Variants in PRDM5 observed in about 807,000 individuals in gnomAD.
PRDM5 encodes PR domain zinc finger protein 5.
A neutral mutation model predicts 81.2 loss-of-function variants in PRDM5; 56 were observed. That is an observed-to-expected ratio of 0.69 (90% CI 0.56 to 0.86). PRDM5 has a LOEUF of 0.86. Among genes scored for constraint, PRDM5 ranks in the 40% least tolerant of loss-of-function variants. The probability of loss-of-function intolerance (pLI) is 0.00; values close to 1 mark genes in which losing one functional copy is unlikely to be tolerated. For synonymous variants in PRDM5, 267 were observed against 256.4 expected (o/e 1.04, Z -0.39); for missense variants, 697 against 770.1 (o/e 0.91, Z 1.12).
chr4:120,914,306 A>G (rs1723839644), intron 1 of PRDM5, among the ~76,000 whole-genome samples: 1 of 152,172 alleles, frequency 6.6e-6, no homozygotes, highest in Non-Finnish European at 1.5e-5. Context: ...CTCAAGTGAA[A>G]ACTACGAACA....
intron 14 of PRDM5, among the ~76,000 whole-genome samples, chr4:120,726,088 G>A (rs897882209): frequency 1.5e-4 from 23 of 152,194 alleles, no homozygotes; most frequent in Admixed American, 1.3e-3. Flanking sequence ...GGGATGGAGG[G>A]TTGGGCTAGG....
chr4:120,716,174 C>T (rs976420990), intron 14 of PRDM5, among the ~76,000 whole-genome samples: 7 of 152,190 alleles, frequency 4.6e-5, no homozygotes, highest in African/African-American at 1.4e-4. Context: ...CATGTTTATA[C>T]ATGCTATTGC....
rs17051264 is a variant in PRDM5 at position 120,816,469 on chromosome 4, C to T, written c.849G>A (p.Gln283=). The T allele has an allele frequency of 7.6e-3, 12,188 of 1,614,150 alleles. 541 individuals are homozygous for T. The African/African-American group carries it at 0.11, about 15-fold the overall frequency. ...ACTCCTCACCAGTGTGGACATTTTC[C>T]TGGTGTCTTTTCAGGGCATCCTTGC... ...LKSKDALKRH[Q]ENVHTGDPKK... is the part of the protein sequence containing the mutation. The change falls in exon 7 of 16, where the codon CAG becomes CAA. Residue 283 remains glutamine, a synonymous_variant. Coordinates refer to ENST00000264808, the MANE Select transcript of PRDM5 (RefSeq NM_018699.4).
intron 2 of PRDM5, among the ~76,000 whole-genome samples, chr4:120,900,491 G>C (rs1352488756): frequency 6.6e-6 from 1 of 152,078 alleles, no homozygotes. Context: ...TCTTCATCTG[G>C]TTCCTATCTG....
chr4:120,844,499 G>A (rs1758424290), intron 3 of PRDM5, among the ~76,000 whole-genome samples: 1 of 152,124 alleles, frequency 6.6e-6, no homozygotes, highest in South Asian at 2.1e-4. Context: ...AGGATAACCT[G>A]TGATCAAGGG....
Position 120,853,496 on chromosome 4 carries a change from G to T in PRDM5, c.222C>A (p.Thr74=). 6.2e-7 allele frequency: 1 copy of T among 1,613,714 alleles called. No homozygotes were observed. The highest frequency in any genetic ancestry group is 1.3e-5 in the African/African-American group (1 of 74,966). ...KGEVLYILDA[T]NPRHSNWLRF... ...GAAGCCAGTTGGAGTGCCGTGGGTT[G>T]GTAGCATCCAAAATGTACAAAACTT... The change falls in exon 3 of 16, where the codon ACC becomes ACA. Residue 74 remains threonine, a synonymous_variant. Transcript: ENST00000264808.
chr4:120,821,436 T>C (rs756731636), intron 3 of PRDM5, 91 bp from the exon 4 acceptor site: 14 of 1,247,054 alleles, frequency 1.1e-5, no homozygotes, highest in Non-Finnish European at 1.6e-5. Context: ...GAGTACTATG[T>C]GTGCATGAAA....
downstream of PRDM5, among the ~76,000 whole-genome samples, chr4:120,684,349 C>A (rs55883728): frequency 0.16 from 23,945 of 151,810 alleles, 2,390 homozygotes; most frequent in Non-Finnish European, 0.24. Flanking sequence ...ACTTCCTTGT[C>A]AGCAAGAAAG....
At chr4:120,742,710 G>A (rs944065536) in intron 14 of PRDM5, among the ~76,000 whole-genome samples, 11 of 152,148 alleles carry the variant, frequency 7.2e-5, no homozygotes, top group Non-Finnish European at 8.8e-5. Context: ...GAAATGAAGC[G>A]AGAAGGAAAG....
In PRDM5 at chr4:120,742,664, G is replaced by C. The variant is rs542547403; in HGVS notation, c.1623+11889C>G. Among the ~76,000 whole-genome samples, 120 of 152,324 alleles carry C rather than the reference G, an allele frequency of 7.9e-4. 2 individuals carry two copies. Among genetic ancestry groups the C allele is most frequent in the African/African-American group, 2.8e-3 (117 of 41,578 alleles). On this transcript the variant is annotated intron_variant, in intron 14 of 15. Coordinates refer to ENST00000264808, the MANE Select transcript of PRDM5 (RefSeq NM_018699.4). ...CCTCAGGAGCCGAAGCGATCAACTG[G>C]AAGAAAGGGTATCAGCAATGGAAGG...
At chr4:120,907,606 A>G (rs1398548510) in intron 1 of PRDM5, 49 bp from the exon 2 acceptor site, 1 of 1,453,976 alleles carries the variant, frequency 6.9e-7, no homozygotes, top group East Asian at 2.3e-5. Flanking sequence ...ATAAATCAAC[A>G]TACTAAAATA....
chr4:120,886,319 C>T (rs867451805), intron 2 of PRDM5, among the ~76,000 whole-genome samples: 1 of 152,286 alleles, frequency 6.6e-6, no homozygotes, highest in African/African-American at 2.4e-5. Context: ...AGATTTTAAA[C>T]AATTGAAAAC....
intron 10 of PRDM5, among the ~76,000 whole-genome samples, chr4:120,795,691 T>C (rs1453239033): frequency 6.6e-6 from 1 of 151,930 alleles, no homozygotes; most frequent in Non-Finnish European, 1.5e-5. Context: ...GGTAGGCAGA[T>C]TGCTTGAGGT....
At chr4:120,920,086 G>A (rs896039934) in intron 1 of PRDM5, among the ~76,000 whole-genome samples, 3 of 152,148 alleles carry the variant, frequency 2.0e-5, no homozygotes, top group Non-Finnish European at 2.9e-5. Context: ...AGCACTGCAC[G>A]AAAAGGGGTA....
At chr4:120,897,568 T>C (rs1320706869) in intron 2 of PRDM5, among the ~76,000 whole-genome samples, 1 of 152,200 alleles carries the variant, frequency 6.6e-6, no homozygotes, top group African/African-American at 2.4e-5. Context: ...ATTTTCTACA[T>C]CCTCTCCTGC....
At chr4:120,779,347 C>T (rs960213597) in intron 12 of PRDM5, among the ~76,000 whole-genome samples, 1 of 152,094 alleles carries the variant, frequency 6.6e-6, no homozygotes, top group Non-Finnish European at 1.5e-5. Context: ...ATGAGCAACA[C>T]ACTATGAATA....
chr4:120,882,234 G>A (rs191772700), intron 2 of PRDM5, among the ~76,000 whole-genome samples: 26 of 152,214 alleles, frequency 1.7e-4, no homozygotes, highest in African/African-American at 5.1e-4. Flanking sequence ...TGCAACCTCC[G>A]CCTCCCGGGT....
chr4:120,814,793 A>C (rs1263873155), intron 7 of PRDM5, among the ~76,000 whole-genome samples: 2 of 152,214 alleles, frequency 1.3e-5, no homozygotes, highest in East Asian at 1.9e-4. Context: ...TGAATGAGAG[A>C]ATGACATCAT....
At chr4:120,902,250 C>A (rs1322703379) in intron 2 of PRDM5, among the ~76,000 whole-genome samples, 2 of 152,200 alleles carry the variant, frequency 1.3e-5, no homozygotes, top group African/African-American at 2.4e-5. Context: ...AACTGTGCTG[C>A]ATTCCACAGG....
Sources: allele counts gnomAD v4.1 joint callset (sites outside exome capture counted in the v4.1 genomes callset), GRCh38; gene constraint gnomAD v4.1.1; transcripts MANE v1.5; gene names NCBI Gene and HGNC (gene_info 2026-07-23, HGNC 2026-07-21).